Variants in MAPRE2 observed in about 807,000 individuals in gnomAD.
MAPRE2 encodes the protein microtubule-associated protein RP/EB family member 2.
MAPRE2 carries 13 observed loss-of-function variants against 43.2 expected under a neutral mutation model. The ratio of observed to expected loss-of-function variants is 0.30; its 90% CI spans 0.20 to 0.48. The LOEUF (loss-of-function observed/expected upper bound fraction) is 0.48, where lower values mean the gene tolerates loss of function less well. MAPRE2 is among the 20% of genes least tolerant of loss of function. The pLI, the probability that MAPRE2 is intolerant of heterozygous loss-of-function variation, is 0.99. For synonymous variants in MAPRE2, 135 were observed against 148.8 expected, an observed-to-expected ratio of 0.91 and a Z score of 0.68; for missense variants, 161 against 400.2, an observed-to-expected ratio of 0.40 and a Z score of 5.10.
intron 1 of MAPRE2, among the ~76,000 whole-genome samples, chr18:34,977,561 G>T (rs922144871): frequency 3.3e-5 from 5 of 152,186 alleles, no homozygotes. Context: ...GCGCTTGGGG[G>T]CAGATCAGGA....
At chr18:35,020,957 A>T (rs572711090) in intron 2 of MAPRE2, among the ~76,000 whole-genome samples, 1 of 152,294 alleles carries the variant, frequency 6.6e-6, no homozygotes, top group African/African-American at 2.4e-5. Context: ...TTTTTAACTG[A>T]TACAGAATTA....
intron 3 of MAPRE2, 109 bp from the exon 4 acceptor site, chr18:35,101,837 T>A: frequency 1.3e-6 from 1 of 772,220 alleles, no homozygotes; most frequent in Non-Finnish European, 2.1e-6. Flanking sequence ...TAAACAGTGC[T>A]GCCACAAACT....
At chr18:35,088,667 A>G (rs1281944249) in intron 2 of MAPRE2, among the ~76,000 whole-genome samples, 1 of 152,184 alleles carries the variant, frequency 6.6e-6, no homozygotes, top group African/African-American at 2.4e-5. Flanking sequence ...GTGGCTGGGT[A>G]AGACTTCCAG....
At position 35,132,158 on chromosome 18, in the gene MAPRE2, C is replaced by T; in HGVS notation, c.877C>T (p.Leu293=). 6.2e-7 allele frequency: 1 copy of T among 1,614,194 alleles called. No homozygotes were observed. The highest frequency in any genetic ancestry group is 1.1e-5 in the South Asian group (1 of 91,078). ...GGAAAATGATGACCTCGTGCAGAGA[C>T]TAATGGACATCCTGTATGCTTCAGA... ...GQENDDLVQR[L]MDILYASEEH... The change falls in exon 6 of 7, where the codon CTA becomes TTA. Residue 293 remains leucine (L), a synonymous_variant. Coordinates refer to ENST00000300249, the MANE Select transcript of MAPRE2 (RefSeq NM_014268.4).
intron 2 of MAPRE2, among the ~76,000 whole-genome samples, chr18:35,095,363 T>TACACACACACACAC (rs34361204): frequency 8.8e-5 from 12 of 136,090 alleles, no homozygotes; most frequent in South Asian, 2.4e-4. Flanking sequence ...TTTAAGAAAA[T>TACACACACACACAC]ACACACACAC....
intron 1 of MAPRE2, among the ~76,000 whole-genome samples, chr18:34,998,774 T>G (rs1330488443): frequency 1.3e-4 from 10 of 76,756 alleles, no homozygotes; most frequent in African/African-American, 4.9e-4. Context: ...AAGTTGCAAT[T>G]TTTTTTTTTT....
rs1272339524 is a variant in MAPRE2, at chr18:35,082,141, T to G, written c.250+11819T>G. 4 of 112,924 alleles carry G rather than the reference T, an allele frequency of 3.5e-5. 1 individual carries two copies. Among genetic ancestry groups the G allele is most frequent in the Admixed American group, 3.3e-4 (4 of 12,112 alleles). 7.0% of individuals were successfully genotyped at this position (112,924 alleles called of 1,614,324 possible). ...CCGTCTCTACTAAAAATACAAAAAA[T>G]TAGCCGGGCGTAGTGGCGGGCGCCT... On this transcript the variant is annotated intron_variant, in intron 2 of 6. Coordinates refer to ENST00000300249, the MANE Select transcript of MAPRE2 (RefSeq NM_014268.4).
At chr18:34,981,421 G>T (rs1416033616) in intron 1 of MAPRE2, among the ~76,000 whole-genome samples, 3 of 151,744 alleles carry the variant, frequency 2.0e-5, no homozygotes, top group African/African-American at 7.3e-5. Flanking sequence ...ATATTAATCA[G>T]AAACTATTTC....
chr18:35,009,203 G>A (rs1780034005), intron 2 of MAPRE2, among the ~76,000 whole-genome samples: 1 of 152,094 alleles, frequency 6.6e-6, no homozygotes, highest in Non-Finnish European at 1.5e-5. Flanking sequence ...GGGAGGGGGA[G>A]GTAGAGATGA....
At chr18:35,037,340 T>G (rs941325781), upstream of MAPRE2, among the ~76,000 whole-genome samples, 6 of 152,350 alleles carry the variant, frequency 3.9e-5, no homozygotes, top group East Asian at 1.2e-3. Context: ...TAATTTAATC[T>G]CCATCTCCAC....
intron 4 of MAPRE2, among the ~76,000 whole-genome samples, chr18:35,117,159 G>A (rs1240296291): frequency 6.6e-6 from 1 of 152,186 alleles, no homozygotes; most frequent in Non-Finnish European, 1.5e-5. Context: ...AAGCAGAGGA[G>A]GAAATTGGGG....
chr18:35,075,857 A>C (rs1000098471), intron 2 of MAPRE2, among the ~76,000 whole-genome samples: 3 of 152,156 alleles, frequency 2.0e-5, no homozygotes, highest in Non-Finnish European at 2.9e-5. Context: ...CTACTAATGC[A>C]CTGGTTGAAA....
At chr18:35,092,408 T>C (rs1908195370) in intron 2 of MAPRE2, among the ~76,000 whole-genome samples, 1 of 152,212 alleles carries the variant, frequency 6.6e-6, no homozygotes, top group Non-Finnish European at 1.5e-5. Flanking sequence ...TGGCTATCCA[T>C]GTGCAGAAGA....
chr18:34,978,201 CA>C, intron 1 of MAPRE2: 1 of 436,314 alleles, frequency 2.3e-6, no homozygotes, highest in East Asian at 5.0e-5. Context: ...ATCACTTGTT[CA>C]CATCTCCTTT....
intron 2 of MAPRE2, among the ~76,000 whole-genome samples, chr18:35,090,151 C>T (rs550789275): frequency 8.6e-5 from 13 of 151,872 alleles, no homozygotes; most frequent in African/African-American, 1.2e-4. Context: ...TCATAGAGAG[C>T]GACTGCTAAT....
intron 2 of MAPRE2, among the ~76,000 whole-genome samples, chr18:35,081,581 T>A (rs1172158563): frequency 6.6e-6 from 1 of 152,012 alleles, no homozygotes; most frequent in Non-Finnish European, 1.5e-5. Context: ...TAGGGGATGT[T>A]ATTGGTGTAG....
At chr18:35,042,631 A>G (rs187966215) in intron 1 of MAPRE2, among the ~76,000 whole-genome samples, 185 of 152,342 alleles carry the variant, frequency 1.2e-3, no homozygotes, top group Non-Finnish European at 1.8e-3. Flanking sequence ...AGCTTCGGTC[A>G]TATTTCCTCT....
chr18:34,998,772 A>ATTTTTT lies in MAPRE2; in HGVS notation c.-69-6697_-69-6692dup, dbSNP rs67933808. The stretch of plus-strand genomic sequence containing the variant: ...GCCACTGAGCCTGGCCGAAGTTGCA[A>ATTTTTT]TTTTTTTTTTTTTTTTTTTTTTTTT... On this transcript the variant is annotated intron_variant, in intron 1 of 7. Coordinates refer to the MAPRE2 transcript ENST00000413393. Among the ~76,000 whole-genome samples the ATTTTTT allele has an allele frequency of 8.5e-5, 8 of 93,732 alleles. 1 individual carries two copies. The highest frequency in any genetic ancestry group is 7.6e-4 in the South Asian group (2 of 2,648). 61.5% of individuals were successfully genotyped at this position (93,732 alleles called of 152,430 possible). A position where few individuals can be genotyped will look rare whatever the true frequency, so the allele number is the denominator to read the frequency against.
At chr18:35,012,146 C>T (rs1231284654) in intron 2 of MAPRE2, among the ~76,000 whole-genome samples, 1 of 152,068 alleles carries the variant, frequency 6.6e-6, no homozygotes, top group Non-Finnish European at 1.5e-5. Flanking sequence ...AGACAGGACA[C>T]ATTGTAAACG....
Sources: allele counts gnomAD v4.1 joint callset (sites outside exome capture counted in the v4.1 genomes callset), GRCh38; gene constraint gnomAD v4.1.1; transcripts MANE v1.5; gene names NCBI Gene and HGNC (gene_info 2026-07-23, HGNC 2026-07-21).